The following NELL1 variants were observed in gnomAD, a reference collection of about 807,000 sequenced individuals.
NELL1 encodes the protein protein kinase C-binding protein NELL1.
NELL1 carries 76 observed loss-of-function variants against 107.4 expected under a neutral mutation model. The observed-to-expected ratio is 0.71, with a 90% confidence interval of 0.59 to 0.86. The LOEUF is 0.86. NELL1 is among the 40% of genes least tolerant of loss of function. NELL1 has a pLI of 0.00. For synonymous variants in NELL1, 353 were observed against 341.2 expected (o/e 1.03, Z -0.38); for missense variants, 1,024 against 1,005.5 (o/e 1.02, Z -0.25).
chr11:21,056,627 A>G (rs934474459), intron 12 of NELL1, among the ~76,000 whole-genome samples: 4 of 152,214 alleles, frequency 2.6e-5, no homozygotes, highest in Non-Finnish European at 5.9e-5. Context: ...CTCGCTGGAC[A>G]GAAAGCTTAT....
At chr11:20,996,295 A>C (rs545704651) in intron 12 of NELL1, among the ~76,000 whole-genome samples, 2 of 152,184 alleles carry the variant, frequency 1.3e-5, no homozygotes, top group Admixed American at 1.3e-4. Context: ...TAGTACTTGC[A>C]TGTTCTGTCA....
At chr11:21,189,690 T>C (rs1857009410) in intron 13 of NELL1, among the ~76,000 whole-genome samples, 1 of 151,396 alleles carries the variant, frequency 6.6e-6, no homozygotes, top group African/African-American at 2.4e-5. Context: ...CCTTTTTTTT[T>C]TTTTTTTATT....
At chr11:20,743,169 A>G (rs1428560497) in intron 2 of NELL1, among the ~76,000 whole-genome samples, 1 of 152,076 alleles carries the variant, frequency 6.6e-6, no homozygotes, top group East Asian at 1.9e-4. Context: ...CCTGGCCAAC[A>G]TGGTGATCTC....
At chr11:21,071,274 C>T (rs1246544861) in intron 12 of NELL1, among the ~76,000 whole-genome samples, 1 of 152,150 alleles carries the variant, frequency 6.6e-6, no homozygotes, top group African/African-American at 2.4e-5. Flanking sequence ...AAGGGATCAC[C>T]TCTGGTTTAA....
At chr11:21,134,096 G>A (rs1412598666) in intron 13 of NELL1, among the ~76,000 whole-genome samples, 1 of 152,242 alleles carries the variant, frequency 6.6e-6, no homozygotes, top group Non-Finnish European at 1.5e-5. Flanking sequence ...GATATGGCGA[G>A]TTTTATGACT....
At chr11:21,037,802 G>C (rs566995208) in intron 12 of NELL1, among the ~76,000 whole-genome samples, 1 of 152,198 alleles carries the variant, frequency 6.6e-6, no homozygotes, top group East Asian at 1.9e-4. Flanking sequence ...ATCTGAAGAA[G>C]GGTTTGCTAT....
chr11:20,714,613 C>T (rs969342803), intron 2 of NELL1, among the ~76,000 whole-genome samples: 1 of 152,132 alleles, frequency 6.6e-6, no homozygotes, highest in East Asian at 1.9e-4. Flanking sequence ...CCTCGACCTC[C>T]CAGGCTCAGG....
At chr11:21,490,047 A>G (rs1451875926) in intron 15 of NELL1, among the ~76,000 whole-genome samples, 1 of 152,050 alleles carries the variant, frequency 6.6e-6, no homozygotes, top group Non-Finnish European at 1.5e-5. Flanking sequence ...AGAAAAACCT[A>G]AAGACACCAC....
At chr11:21,345,092 ACTGTGGGATTTAC>A (rs1176894978) in intron 14 of NELL1, among the ~76,000 whole-genome samples, 1 of 152,194 alleles carries the variant, frequency 6.6e-6, no homozygotes, top group African/African-American at 2.4e-5. Flanking sequence ...GGTGCTGCTG[ACTGTGGGATTTAC>A]CTGTGATTGA....
intron 13 of NELL1, among the ~76,000 whole-genome samples, chr11:21,174,215 T>A (rs1251919628): frequency 6.6e-6 from 1 of 151,810 alleles, no homozygotes; most frequent in Non-Finnish European, 1.5e-5. Context: ...TGCTATTAGA[T>A]AACTAATATA....
chr11:21,218,166 C>T (rs1055971404), intron 13 of NELL1, among the ~76,000 whole-genome samples: 4 of 151,986 alleles, frequency 2.6e-5, no homozygotes, highest in Admixed American at 1.3e-4. Flanking sequence ...GTGTATTTTT[C>T]ACCTTTCTAA....
intron 7 of NELL1, among the ~76,000 whole-genome samples, chr11:20,923,869 T>C (rs1850433325): frequency 6.6e-6 from 1 of 152,176 alleles, no homozygotes; most frequent in Admixed American, 6.6e-5. Flanking sequence ...TCCTTTCATA[T>C]AGCAAATGCC....
At chr11:21,146,169 G>A (rs1590678236) in intron 13 of NELL1, among the ~76,000 whole-genome samples, 1 of 151,998 alleles carries the variant, frequency 6.6e-6, no homozygotes, top group African/African-American at 2.4e-5. Flanking sequence ...GTAGTGTCTG[G>A]TGCACAGAAA....
Position 21,108,191 on chromosome 11 carries a change from G to A in NELL1, c.1301-5398G>A, listed in dbSNP as rs952433904. ...GGTTCTTTTTCTAGTAAATGTTTAT[G>A]GAAGAAGTCTGAGTAGATCATATCA... On this transcript the variant is annotated intron_variant, in intron 12 of 19. Transcript: ENST00000357134. 7.5e-4 allele frequency among the ~76,000 whole-genome samples: 114 copies of A among 152,084 alleles called. 1 individual carries two copies. Among genetic ancestry groups the A allele is most frequent in the African/African-American group, 2.6e-3 (108 of 41,410 alleles).
intron 4 of NELL1, among the ~76,000 whole-genome samples, chr11:20,881,781 A>C (rs143755102): frequency 1.3e-5 from 2 of 152,040 alleles, no homozygotes; most frequent in East Asian, 3.9e-4. Flanking sequence ...AGGTGTGTCC[A>C]TGCATGTGTC....
intron 15 of NELL1, among the ~76,000 whole-genome samples, chr11:21,418,280 T>C (rs1852569244): frequency 6.6e-6 from 1 of 151,988 alleles, no homozygotes; most frequent in Non-Finnish European, 1.5e-5. Flanking sequence ...GTTATTTGGA[T>C]AGAAGCTAAG....
chr11:21,249,588 T>A (rs1167380100), intron 14 of NELL1, among the ~76,000 whole-genome samples: 1 of 152,198 alleles, frequency 6.6e-6, no homozygotes, highest in Non-Finnish European at 1.5e-5. Context: ...TAAACACTAT[T>A]TTGAAAACTT....
intron 2 of NELL1, among the ~76,000 whole-genome samples, chr11:20,694,752 A>C (rs772794051): frequency 2.0e-5 from 3 of 152,106 alleles, no homozygotes; most frequent in Non-Finnish European, 2.9e-5. Context: ...CTTTCTGCTT[A>C]AGATTGTTTT....
intron 12 of NELL1, among the ~76,000 whole-genome samples, chr11:21,056,066 A>T (rs373784291): frequency 6.6e-6 from 1 of 152,238 alleles, no homozygotes; most frequent in Non-Finnish European, 1.5e-5. Flanking sequence ...AATCTTCACA[A>T]CATGCTGATG....
Sources: allele counts gnomAD v4.1 joint callset (sites outside exome capture counted in the v4.1 genomes callset), GRCh38; gene constraint gnomAD v4.1.1; transcripts MANE v1.5; gene names NCBI Gene and HGNC (gene_info 2026-07-23, HGNC 2026-07-21).